FBLN2: variants seen among roughly 807,000 people sequenced by gnomAD.
The protein encoded by FBLN2 is fibulin 2.
A neutral mutation model predicts 123.7 loss-of-function variants in FBLN2; 81 were observed. The observed-to-expected ratio is 0.65, with a 90% CI of 0.55 to 0.79. The LOEUF (loss-of-function observed/expected upper bound fraction) is 0.79. Among genes scored for constraint, FBLN2 ranks in the 30% least tolerant of loss-of-function variants. FBLN2 has a pLI of 0.00. For synonymous variants in FBLN2, 699 were observed against 701.4 expected (o/e 1.00, Z 0.05); for missense variants, 1,603 against 1,681.3 (o/e 0.95, Z 0.81).
intron 2 of FBLN2, among the ~76,000 whole-genome samples, chr3:13,599,689 A>C (rs2124868092): frequency 6.6e-6 from 1 of 150,516 alleles, no homozygotes; most frequent in African/African-American, 2.5e-5. Flanking sequence ...TGAGTGATAG[A>C]CTGGAGGGAG....
intron 2 of FBLN2, among the ~76,000 whole-genome samples, chr3:13,601,646 C>T (rs1318847497): frequency 6.6e-6 from 1 of 152,216 alleles, no homozygotes; most frequent in Admixed American, 6.5e-5. Context: ...ACTCATTGAA[C>T]ACCCACCATG....
chr3:13,626,340 C>T, intron 9 of FBLN2, 105 bp from the exon 10 acceptor site: 1 of 1,203,546 alleles, frequency 8.3e-7, no homozygotes, highest in Non-Finnish European at 1.1e-6. Context: ...TCCCTGAGGG[C>T]AGGGCCTGGA....
chr3:13,621,758 C>T lies in FBLN2; in HGVS notation c.2156-17C>T, dbSNP rs2124897937. The T allele has an allele frequency of 1.2e-6, 2 of 1,613,532 alleles. No homozygotes were observed. The highest frequency in any genetic ancestry group is 2.2e-5 in the East Asian group (1 of 44,864). ...CTCTAACAGTCCTTCTGTTTTTCCT[C>T]CTGCGGCTGCCACTAGACCAAGACG... On this transcript the variant is annotated splice_polypyrimidine_tract_variant and intron_variant, in intron 8 of 17. Coordinates refer to ENST00000404922, the MANE Select transcript of FBLN2 (RefSeq NM_001004019.2).
intron 2 of FBLN2, among the ~76,000 whole-genome samples, chr3:13,606,148 C>A (rs1306062045): frequency 6.6e-6 from 1 of 152,318 alleles, no homozygotes; most frequent in African/African-American, 2.4e-5. Context: ...GATGAACCCA[C>A]CTTAGCCTCC....
intron 1 of FBLN2, among the ~76,000 whole-genome samples, chr3:13,556,489 C>T (rs764480428): frequency 5.9e-5 from 9 of 152,158 alleles, no homozygotes; most frequent in Non-Finnish European, 8.8e-5. Context: ...CCCCTGATAC[C>T]ATCCCACTGG....
intron 4 of FBLN2, among the ~76,000 whole-genome samples, chr3:13,611,053 C>A (rs1473440247): frequency 6.6e-6 from 1 of 151,978 alleles, no homozygotes; most frequent in East Asian, 1.9e-4. Flanking sequence ...ATTACAGGCA[C>A]CTGCCACTAC....
At chr3:13,633,954 A>ACACACACACAC (rs1706354642) in intron 16 of FBLN2, among the ~76,000 whole-genome samples, 1 of 112,904 alleles carries the variant, frequency 8.9e-6, no homozygotes, top group African/African-American at 3.5e-5. Context: ...ACACACTGCA[A>ACACACACACAC]ACACACACAC....
intron 2 of FBLN2, among the ~76,000 whole-genome samples, chr3:13,573,586 A>T (rs1704033901): frequency 6.6e-6 from 1 of 152,106 alleles, no homozygotes; most frequent in Admixed American, 6.5e-5. Context: ...GCTCCTGTGC[A>T]CATGCTGGGC....
rs146271836 is a variant in FBLN2 at position 13,580,742 on chromosome 3, C to T, written c.1306+9081C>T. 4.5e-3 allele frequency among the ~76,000 whole-genome samples: 684 copies of T among 152,340 alleles called. 3 individuals are homozygous for T. The highest frequency in any genetic ancestry group is 0.038 in the South Asian group (182 of 4,826). On this transcript the variant is annotated intron_variant, in intron 2 of 17. Transcript: ENST00000404922. ...CGCTAAACCAATGTTAGTCTTTCCT[C>T]CTTGGACACACCTCGGCCATGTATA...
intron 2 of FBLN2, among the ~76,000 whole-genome samples, chr3:13,600,066 A>T (rs1228469124): frequency 7.2e-6 from 1 of 138,904 alleles, no homozygotes; most frequent in Non-Finnish European, 1.5e-5. Context: ...AGAGAGCGAT[A>T]GAGAGAGAGA....
chr3:13,630,580 A>G (rs910293102), intron 14 of FBLN2, 119 bp from the exon 15 acceptor site: 2 of 772,542 alleles, frequency 2.6e-6, no homozygotes, highest in East Asian at 2.8e-5. Context: ...TGGCCCTCGC[A>G]TAGGTCAACC....
chr3:13,554,407 C>T (rs1437730147), intron 1 of FBLN2, among the ~76,000 whole-genome samples: 5 of 152,204 alleles, frequency 3.3e-5, no homozygotes, highest in Non-Finnish European at 7.3e-5. Flanking sequence ...CAACCTTGGT[C>T]CCAAGTTGAG....
At chr3:13,599,019 G>T (rs1444489132) in intron 2 of FBLN2, among the ~76,000 whole-genome samples, 3 of 152,218 alleles carry the variant, frequency 2.0e-5, no homozygotes, top group East Asian at 1.9e-4. Flanking sequence ...ACAAGAGAAG[G>T]TGTATGTGGC....
At chr3:13,554,660 G>T (rs1026829277) in intron 1 of FBLN2, among the ~76,000 whole-genome samples, 24 of 152,262 alleles carry the variant, frequency 1.6e-4, no homozygotes, top group African/African-American at 5.3e-4. Flanking sequence ...CTGCTCCCCT[G>T]CATGGCTGTG....
chr3:13,635,397 C>T (rs1229010902), intron 16 of FBLN2, among the ~76,000 whole-genome samples: 1 of 151,906 alleles, frequency 6.6e-6, no homozygotes, highest in Non-Finnish European at 1.5e-5. Flanking sequence ...CACACACACA[C>T]ACCCACACAC....
chr3:13,607,538 C>T (rs776879083), intron 2 of FBLN2, among the ~76,000 whole-genome samples: 14 of 152,186 alleles, frequency 9.2e-5, no homozygotes, highest in South Asian at 6.2e-4. Flanking sequence ...ATAAAACTTC[C>T]GTGAATTTCC....
At chr3:13,613,044 C>T (rs1442973817) in intron 4 of FBLN2, among the ~76,000 whole-genome samples, 1 of 152,166 alleles carries the variant, frequency 6.6e-6, no homozygotes, top group East Asian at 1.9e-4. Flanking sequence ...CCTAGGATGG[C>T]CTTGGCTGGG....
intron 9 of FBLN2, among the ~76,000 whole-genome samples, chr3:13,623,176 T>C (rs569643103): frequency 2.0e-5 from 3 of 152,334 alleles, no homozygotes; most frequent in South Asian, 2.1e-4. Context: ...TGACCCTGCT[T>C]GCCAGCAGCC....
intron 2 of FBLN2, among the ~76,000 whole-genome samples, chr3:13,591,199 G>T (rs185954816): frequency 3.5e-4 from 53 of 152,284 alleles, no homozygotes; most frequent in African/African-American, 1.3e-3. Context: ...CTATTTTGTT[G>T]TCATTTGCCT....
Sources: gnomAD v4.1 joint callset for allele counts (sites outside exome capture counted in the v4.1 genomes callset) on GRCh38, gnomAD v4.1.1 for gene constraint, MANE v1.5 for transcripts, NCBI Gene and HGNC (gene_info 2026-07-23, HGNC 2026-07-21) for gene names.